RAPGEF2: variants seen among roughly 807,000 people sequenced by gnomAD.
RAPGEF2 encodes the protein Rap guanine nucleotide exchange factor 2.
RAPGEF2 carries 54 observed loss-of-function variants against 186.7 expected under a neutral mutation model. The ratio of observed to expected loss-of-function variants is 0.29; its 90% CI spans 0.23 to 0.36. The LOEUF is 0.36. Among genes scored for constraint, RAPGEF2 ranks in the 10% least tolerant of loss-of-function variants. The pLI is 1.00. For missense variants in RAPGEF2, 1,532 were observed against 2,045.0 expected, an observed-to-expected ratio of 0.75 and a Z score of 4.84; for synonymous variants, 712 against 705.9, an observed-to-expected ratio of 1.01 and a Z score of -0.14.
intron 1 of RAPGEF2, among the ~76,000 whole-genome samples, chr4:159,138,972 A>G (rs1214573105): frequency 2.0e-5 from 3 of 152,366 alleles, no homozygotes; most frequent in African/African-American, 7.2e-5. Context: ...TAAATTTTCC[A>G]TGAAATAGAG....
intron 7 of RAPGEF2, among the ~76,000 whole-genome samples, chr4:159,258,970 C>T (rs575619485): frequency 1.5e-4 from 23 of 152,278 alleles, no homozygotes; most frequent in Middle Eastern, 3.4e-3. Context: ...GAGAATAAAA[C>T]TGACACTTAT....
rs745698161 is a variant in RAPGEF2, at chr4:159,243,808, G to A, written c.543+17G>A. 3.0e-5 allele frequency: 38 copies of A among 1,271,182 alleles called. No homozygotes were observed. Among genetic ancestry groups the A allele is most frequent in the Non-Finnish European group, 3.8e-5 (37 of 972,112 alleles). The allele number at this position is 1,271,182 out of a possible 1,614,324, so 78.7% of individuals were successfully genotyped here. On this transcript the variant is annotated intron_variant, in intron 7 of 29. Transcript: ENST00000691494. ...AAATCTCAGGTATTGTAATTTGTGT[G>A]TGGTCTTCTGACACTAACCTAAGTT...
chr4:159,104,867 T>C (rs1190729898), intron 1 of RAPGEF2, among the ~76,000 whole-genome samples: 1 of 152,194 alleles, frequency 6.6e-6, no homozygotes, highest in Non-Finnish European at 1.5e-5. Context: ...CTGCTTTCAA[T>C]TGAAGGGAAA....
intron 26 of RAPGEF2, 141 bp from the exon 27 acceptor site, chr4:159,352,544 T>G (rs1731343638): frequency 7.9e-6 from 5 of 631,396 alleles, no homozygotes; most frequent in Non-Finnish European, 1.4e-5. Context: ...AGTCATGTGG[T>G]CTCTACAAGT....
At chr4:159,340,704 CACAT>C (rs1464896735) in intron 19 of RAPGEF2, among the ~76,000 whole-genome samples, 8 of 146,522 alleles carry the variant, frequency 5.5e-5, no homozygotes, top group African/African-American at 2.1e-4. Context: ...CACACACACA[CACAT>C]TTATGGAATT....
chr4:159,250,538 A>G (rs1755191048), intron 7 of RAPGEF2, among the ~76,000 whole-genome samples: 1 of 152,334 alleles, frequency 6.6e-6, no homozygotes, highest in South Asian at 2.1e-4. Flanking sequence ...TCAGATGTCT[A>G]TGAGAATAGC....
At chr4:159,198,800 C>T (rs559099005) in intron 3 of RAPGEF2, among the ~76,000 whole-genome samples, 12 of 151,986 alleles carry the variant, frequency 7.9e-5, no homozygotes, top group African/African-American at 2.2e-4. Flanking sequence ...TTTTTCTGTC[C>T]TAATTTTATT....
intron 28 of RAPGEF2, among the ~76,000 whole-genome samples, chr4:159,355,137 T>G (rs957746290): frequency 6.6e-6 from 1 of 152,210 alleles, no homozygotes; most frequent in Non-Finnish European, 1.5e-5. Flanking sequence ...GGAAGAATGA[T>G]TTTTAGTTCC....
chr4:159,141,859 C>G (rs1487334652), intron 1 of RAPGEF2, among the ~76,000 whole-genome samples: 5 of 152,044 alleles, frequency 3.3e-5, no homozygotes, highest in African/African-American at 1.2e-4. Context: ...TTTACATTTA[C>G]TTCAGTTATA....
intron 7 of RAPGEF2, among the ~76,000 whole-genome samples, chr4:159,276,108 G>C (rs1444799862): frequency 6.6e-6 from 1 of 152,118 alleles, no homozygotes; most frequent in Non-Finnish European, 1.5e-5. Flanking sequence ...AGATTGCCTT[G>C]AGTTCCTTGT....
chr4:159,332,841 A>G (rs1766873754), intron 17 of RAPGEF2, 144 bp downstream of exon 17: 2 of 987,352 alleles, frequency 2.0e-6, no homozygotes, highest in Non-Finnish European at 1.4e-6. Flanking sequence ...GTATTAAACA[A>G]TCAAATTTGT....
chr4:159,298,674 C>T (rs1271765565), intron 7 of RAPGEF2, among the ~76,000 whole-genome samples: 1 of 152,170 alleles, frequency 6.6e-6, no homozygotes, highest in Admixed American at 6.5e-5. Context: ...TTTAAAATAA[C>T]TTGAGTTCCA....
At chr4:159,231,356 T>A (rs958420562) in intron 4 of RAPGEF2, among the ~76,000 whole-genome samples, 1 of 152,128 alleles carries the variant, frequency 6.6e-6, no homozygotes, top group African/African-American at 2.4e-5. Flanking sequence ...TATGTTAATA[T>A]ATATTATTAC....
chr4:159,180,296 G>A (rs1467588422), intron 1 of RAPGEF2, among the ~76,000 whole-genome samples: 1 of 152,042 alleles, frequency 6.6e-6, no homozygotes, highest in African/African-American at 2.4e-5. Context: ...ATTTTTCGGG[G>A]TCTGAGAGCA....
At position 159,345,258 on chromosome 4, in the gene RAPGEF2, A is replaced by G. The variant is rs781005071; in HGVS notation, c.3431A>G (p.Asn1144Ser). Residue 1144 changes from asparagine to serine, a missense_variant, in exon 24 of 30, where the codon AAT becomes AGT. Asn to Ser is a conservative substitution (Grantham distance 46, BLOSUM62 1). Transcript: ENST00000691494. Reference sequence around the variant, plus strand: ...CGAAAAGTGAAGCAGTACCTTTCCAATTTGGAGCTAGAAATGGACGAGGAG... The same window carrying G: ...CGAAAAGTGAAGCAGTACCTTTCCAGTTTGGAGCTAGAAATGGACGAGGAG... ...MARKVKQYLS[N>S]LELEMDEESL... 1.2e-6 allele frequency: 2 copies of G among 1,614,168 alleles called. No individual in the cohort carries two copies. Among genetic ancestry groups the G allele is most frequent in the South Asian group, 1.1e-5 (1 of 91,084 alleles).
chr4:159,288,760 A>G (rs1045982810), intron 7 of RAPGEF2, among the ~76,000 whole-genome samples: 2 of 152,044 alleles, frequency 1.3e-5, no homozygotes, highest in Non-Finnish European at 1.5e-5. Context: ...TTCTCCCTCA[A>G]CATTCTCACT....
chr4:159,347,522 C>T (rs74434850), intron 25 of RAPGEF2, among the ~76,000 whole-genome samples: 6 of 152,230 alleles, frequency 3.9e-5, no homozygotes, highest in South Asian at 2.1e-4. Context: ...CGGTGGCTCA[C>T]GCCTGTAATC....
intron 7 of RAPGEF2, among the ~76,000 whole-genome samples, chr4:159,265,662 T>G (rs1411420374): frequency 1.3e-5 from 2 of 152,108 alleles, no homozygotes; most frequent in Non-Finnish European, 2.9e-5. Context: ...GCTTAGTGGA[T>G]GAGGGCAAAA....
intron 18 of RAPGEF2, 133 bp downstream of exon 18, chr4:159,338,601 T>C (rs939671715): frequency 2.0e-6 from 2 of 998,880 alleles, no homozygotes; most frequent in Admixed American, 3.2e-5. Context: ...AAACTTAAAC[T>C]TTAAGATTTT....
Sources: gnomAD v4.1 joint callset for allele counts (sites outside exome capture counted in the v4.1 genomes callset) on GRCh38, gnomAD v4.1.1 for gene constraint, MANE v1.5 for transcripts, NCBI Gene and HGNC (gene_info 2026-07-23, HGNC 2026-07-21) for gene names.